TMC2: variants seen among roughly 807,000 people sequenced by gnomAD.
TMC2 encodes the protein transmembrane channel like 2.
In TMC2, 102 loss-of-function variants were observed where a neutral mutation model predicts 105.9. That is an observed-to-expected ratio of 0.96 (90% CI 0.82 to 1.14). TMC2 has a LOEUF of 1.14. TMC2 is among the 50% of genes most tolerant of loss of function. The pLI is 0.00. For synonymous variants in TMC2, 402 were observed against 422.8 expected (o/e 0.95, Z 0.60); for missense variants, 1,093 against 1,134.3 (o/e 0.96, Z 0.52).
intron 7 of TMC2, among the ~76,000 whole-genome samples, chr20:2,581,183 A>G (rs73572206): frequency 0.036 from 5,545 of 152,310 alleles, 311 homozygotes; most frequent in African/African-American, 0.12. Context: ...CTTTCAGGAC[A>G]TTAAAAACCT....
At chr20:2,573,635 A>G (rs1348878973) in intron 5 of TMC2, among the ~76,000 whole-genome samples, 1 of 139,242 alleles carries the variant, frequency 7.2e-6, no homozygotes, top group Non-Finnish European at 1.5e-5. Flanking sequence ...ACCTCGGCTC[A>G]CTGCGAGCTC....
At chr20:2,553,297 T>C (rs1372037820) in intron 2 of TMC2, among the ~76,000 whole-genome samples, 1 of 152,192 alleles carries the variant, frequency 6.6e-6, no homozygotes, top group African/African-American at 2.4e-5. Flanking sequence ...TTTTTAATCA[T>C]GAATGGGTGT....
chr20:2,615,711 C>G (rs2086475625), intron 14 of TMC2, among the ~76,000 whole-genome samples: 1 of 152,122 alleles, frequency 6.6e-6, no homozygotes, highest in African/African-American at 2.4e-5. Flanking sequence ...TTTAAGCTTT[C>G]TTTTCTTTTG....
intron 2 of TMC2, among the ~76,000 whole-genome samples, chr20:2,551,929 G>T (rs1038616875): frequency 1.3e-5 from 2 of 152,172 alleles, no homozygotes; most frequent in African/African-American, 4.8e-5. Flanking sequence ...TGTGGATTGT[G>T]CTGGATATTC....
chr20:2,599,329 C>A (rs2086333115), intron 10 of TMC2, among the ~76,000 whole-genome samples: 1 of 149,692 alleles, frequency 6.7e-6, no homozygotes, highest in African/African-American at 2.4e-5. Flanking sequence ...GAAATCAACC[C>A]TATGTTTCTT....
At chr20:2,614,878 C>T (rs2086468692) in intron 14 of TMC2, among the ~76,000 whole-genome samples, 1 of 151,880 alleles carries the variant, frequency 6.6e-6, no homozygotes, top group South Asian at 2.1e-4. Context: ...ATTTTAGGCA[C>T]ATCAAAGTCT....
intron 12 of TMC2, among the ~76,000 whole-genome samples, chr20:2,611,684 T>C (rs1473342287): frequency 6.6e-6 from 1 of 152,212 alleles, no homozygotes; most frequent in East Asian, 1.9e-4. Flanking sequence ...CTCTAATCTT[T>C]CTGAGCGAAC....
chr20:2,583,373 C>T (rs189792749), intron 7 of TMC2, among the ~76,000 whole-genome samples: 7 of 152,256 alleles, frequency 4.6e-5, no homozygotes, highest in Admixed American at 1.3e-4. Context: ...GAGATGCCCA[C>T]CTGGCAAGGA....
intron 7 of TMC2, among the ~76,000 whole-genome samples, chr20:2,581,957 A>G (rs1377225197): frequency 6.6e-6 from 1 of 152,092 alleles, no homozygotes; most frequent in East Asian, 1.9e-4. Context: ...GGAAAACCAT[A>G]CTGGAGTGGG....
chr20:2,558,839 C>T lies in TMC2; in HGVS notation c.401+65C>T. On this transcript the variant is annotated intron_variant, in intron 3 of 19. Transcript: ENST00000358864. The surrounding 1 kb of genome is among the most constrained non-coding windows in gnomAD (Gnocchi z 4.6). ...CTCCCGCTCCTTCGCGGCCCTTCCCCTTCCCCCGTGAGGGACTGATGCCCC... is the reference window on the plus strand; with the variant it reads ...CTCCCGCTCCTTCGCGGCCCTTCCCTTTCCCCCGTGAGGGACTGATGCCCC... The T allele has an allele frequency of 2.7e-6, 4 of 1,455,544 alleles. No individual in the cohort carries two copies. Among genetic ancestry groups the T allele is most frequent in the African/African-American group, 1.4e-5 (1 of 70,346 alleles). The allele number at this position is 1,455,544 out of a possible 1,614,324, so 90.2% of individuals were successfully genotyped here.
chr20:2,615,468 G>A (rs78147242), intron 14 of TMC2, among the ~76,000 whole-genome samples: 1 of 152,244 alleles, frequency 6.6e-6, no homozygotes, highest in East Asian at 1.9e-4. Flanking sequence ...CTCCATTTCT[G>A]GAAGACAAAT....
At chr20:2,602,466 G>T (rs1300987000) in intron 11 of TMC2, among the ~76,000 whole-genome samples, 165 bp downstream of exon 11, 1 of 152,174 alleles carries the variant, frequency 6.6e-6, no homozygotes, top group Non-Finnish European at 1.5e-5. Flanking sequence ...TGAAGAAAAA[G>T]TCACCTATTA....
intron 2 of TMC2, among the ~76,000 whole-genome samples, chr20:2,555,905 G>A (rs542851130): frequency 6.6e-6 from 1 of 152,226 alleles, no homozygotes; most frequent in South Asian, 2.1e-4. Flanking sequence ...TTCATGGGTA[G>A]CGCAGGTACT....
rs6083848 is a variant in TMC2 at position 2,612,858 on chromosome 20, C to T, written c.1744-336C>T. Among the ~76,000 whole-genome samples the T allele has an allele frequency of 0.24, 36,578 of 152,006 alleles. 4,677 individuals carry two copies. Among genetic ancestry groups the T allele is most frequent in the East Asian group, 0.35 (1,796 of 5,164 alleles). On this transcript the variant is annotated intron_variant, in intron 13 of 19. Transcript: ENST00000358864. ...CTTCGGGTCCTAGTGATGATGACTA[C>T]GATGCATTGGGCATAGTCAATTTAA... is the stretch of plus-strand genomic sequence containing the variant.
rs372993579 is a variant in TMC2 at position 2,558,734 on chromosome 20, C to A, written c.361C>A (p.Pro121Thr). Residue 121 changes from proline (P) to threonine (T), a missense_variant, in exon 3 of 20, where the codon CCG becomes ACG. Pro to Thr is a conservative substitution (Grantham distance 38). Transcript: ENST00000358864. The surrounding 1 kb of genome is among the most constrained non-coding windows in gnomAD (Gnocchi z 4.6). ...TAAPKREKEI[P>T]RREEKSKRQK... ...AGCCCCAAAGAGGGAAAAGGAGATT[C>A]CGAGGAGGGAGGAGAAGTCGAAGCG... is the stretch of plus-strand genomic sequence containing the variant. 3.2e-6 allele frequency: 5 copies of A among 1,582,562 alleles called. No homozygotes were observed. The African/African-American group carries it at 4.1e-5, about 13-fold the overall frequency.
chr20:2,610,229 AG>A (rs1426924522), intron 11 of TMC2, among the ~76,000 whole-genome samples, 189 bp from the exon 12 acceptor site: 1 of 152,228 alleles, frequency 6.6e-6, no homozygotes, highest in Non-Finnish European at 1.5e-5. Flanking sequence ...ATGCAAGCAC[AG>A]GCCAAGTGCT....
chr20:2,548,606 C>G (rs964684855), intron 2 of TMC2, among the ~76,000 whole-genome samples: 3 of 151,474 alleles, frequency 2.0e-5, no homozygotes, highest in Admixed American at 1.3e-4. Context: ...CCATTGCACT[C>G]CAGCCTGGGA....
intron 17 of TMC2, among the ~76,000 whole-genome samples, chr20:2,625,695 C>T (rs2086559793): frequency 6.6e-6 from 1 of 152,220 alleles, no homozygotes; most frequent in African/African-American, 2.4e-5. Flanking sequence ...AACTGCGCTC[C>T]AGCCAACATT....
At position 2,592,803 on chromosome 20, in the gene TMC2, C is replaced by T. The variant is rs2086278748; in HGVS notation, c.933+395C>T. On this transcript the variant is annotated intron_variant, in intron 8 of 19. Transcript: ENST00000358864. This position sits in a 1 kb window ranked among gnomAD's most constrained non-coding sequence, Gnocchi z 4.9. ...CCTACTTGCTCTTCAAATGCAACAC[C>T]TATCCAGCCAAAACCCACATCTCTT... Among the ~76,000 whole-genome samples, 1 of 152,182 alleles carries T rather than the reference C, an allele frequency of 6.6e-6. No homozygotes were observed. Among genetic ancestry groups the T allele is most frequent in the Non-Finnish European group, 1.5e-5 (1 of 68,036 alleles).
Sources: gnomAD v4.1 joint callset for allele counts (sites outside exome capture counted in the v4.1 genomes callset) on GRCh38, gnomAD v4.1.1 for gene constraint, Gnocchi (gnomAD v3.1) non-coding constraint, MANE v1.5 for transcripts, NCBI Gene and HGNC (gene_info 2026-07-23, HGNC 2026-07-21) for gene names.